LRP1B: variants seen among roughly 807,000 people sequenced by gnomAD.
LRP1B encodes the protein LDL receptor related protein 1B, also known as low-density lipoprotein receptor-related protein 1B.
A neutral mutation model predicts 556.6 loss-of-function variants in LRP1B; 217 were observed. The observed-to-expected ratio is 0.39, with a 90% confidence interval of 0.35 to 0.44. The LOEUF (loss-of-function observed/expected upper bound fraction) is 0.44, where lower values mean the gene tolerates loss of function less well. LRP1B is among the 20% of genes least tolerant of loss of function. The probability of loss-of-function intolerance (pLI) is 1.00; values close to 1 mark genes in which losing one functional copy is unlikely to be tolerated. For missense variants in LRP1B, 5,053 were observed against 5,620.8 expected (o/e 0.90, Z 3.23); for synonymous variants, 2,047 against 1,865.8 (o/e 1.10, Z -2.50).
At chr2:140,635,353 G>A (rs967418236) in intron 41 of LRP1B, among the ~76,000 whole-genome samples, 4 of 151,838 alleles carry the variant, frequency 2.6e-5, no homozygotes, top group African/African-American at 7.3e-5. Flanking sequence ...AATCCTGTAG[G>A]TTTTCCTATA....
intron 2 of LRP1B, among the ~76,000 whole-genome samples, chr2:141,564,951 G>T (rs994261244): frequency 1.3e-5 from 2 of 151,886 alleles, no homozygotes; most frequent in South Asian, 2.1e-4. Context: ...ATGAATAAAA[G>T]AACTTGAAGG....
At chr2:140,237,007 TA>T (rs1262732075) in intron 89 of LRP1B, among the ~76,000 whole-genome samples, 1 of 151,060 alleles carries the variant, frequency 6.6e-6, no homozygotes, top group Non-Finnish European at 1.5e-5. Context: ...CATACATAGT[TA>T]TTTTTTTGTG....
intron 1 of LRP1B, among the ~76,000 whole-genome samples, chr2:141,937,741 G>C (rs1042010906): frequency 2.6e-5 from 4 of 151,652 alleles, no homozygotes; most frequent in African/African-American, 9.7e-5. Context: ...AGATTTTGCT[G>C]TGATAGTCAT....
At chr2:140,821,492 A>G (rs1691327306) in intron 31 of LRP1B, among the ~76,000 whole-genome samples, 1 of 152,218 alleles carries the variant, frequency 6.6e-6, no homozygotes, top group South Asian at 2.1e-4. Flanking sequence ...TCAATAACAG[A>G]AATGCATAAT....
chr2:141,281,298 C>T (rs1193804746), intron 3 of LRP1B, among the ~76,000 whole-genome samples: 1 of 151,840 alleles, frequency 6.6e-6, no homozygotes, highest in Non-Finnish European at 1.5e-5. Context: ...ATGAAAAAGA[C>T]TGTGACAAAA....
rs796082160 is a variant in LRP1B, at chr2:141,756,816, A to G, written c.205+53463T>C. Among the ~76,000 whole-genome samples the G allele has an allele frequency of 4.6e-5, 7 of 152,254 alleles. No individual in the cohort carries two copies. In the East Asian group the frequency reaches 7.7e-4, roughly 17 times the overall value. ...ATATAGCCTAGGTATGTAGTGGGGT[A>G]TACCATCTAGGTTTGTGTAAGCGTA... On this transcript the variant is annotated intron_variant, in intron 2 of 90. Coordinates refer to ENST00000389484, the MANE Select transcript of LRP1B (RefSeq NM_018557.3).
At chr2:141,974,065 T>A (rs1701817545) in intron 1 of LRP1B, among the ~76,000 whole-genome samples, 1 of 151,968 alleles carries the variant, frequency 6.6e-6, no homozygotes, top group Non-Finnish European at 1.5e-5. Flanking sequence ...AGTTATGTTT[T>A]TGAGAGCCCA....
At chr2:141,835,643 T>C (rs1445009906) in intron 1 of LRP1B, among the ~76,000 whole-genome samples, 1 of 152,004 alleles carries the variant, frequency 6.6e-6, no homozygotes, top group African/African-American at 2.4e-5. Context: ...GTTACTTCAG[T>C]TCTATAGCTA....
chr2:140,528,452 G>T (rs72975805), intron 47 of LRP1B, among the ~76,000 whole-genome samples: 1,759 of 151,888 alleles, frequency 0.012, 32 homozygotes, highest in African/African-American at 0.04. Context: ...GAAGAAGTTC[G>T]CAGGACAGAA....
At chr2:141,129,995 T>TGA (rs1701309514) in intron 7 of LRP1B, among the ~76,000 whole-genome samples, 2 of 151,888 alleles carry the variant, frequency 1.3e-5, no homozygotes, top group African/African-American at 4.8e-5. Context: ...AAAGGAATAG[T>TGA]GACAAAGCAA....
chr2:140,671,790 G>C (rs758761054), intron 41 of LRP1B, among the ~76,000 whole-genome samples: 1 of 152,008 alleles, frequency 6.6e-6, no homozygotes, highest in Admixed American at 6.6e-5. Context: ...CTTTTATCAC[G>C]TGAGGTAACA....
chr2:140,482,428 T>C (rs775636318), intron 59 of LRP1B, among the ~76,000 whole-genome samples: 1 of 152,202 alleles, frequency 6.6e-6, no homozygotes, highest in African/African-American at 2.4e-5. Flanking sequence ...CTCTATTCTC[T>C]TTTAAAATGC....
At chr2:140,932,960 C>T (rs1695098828) in intron 20 of LRP1B, among the ~76,000 whole-genome samples, 1 of 149,830 alleles carries the variant, frequency 6.7e-6, no homozygotes, top group African/African-American at 2.5e-5. Context: ...TATACATATA[C>T]ACATATATAT....
At chr2:140,538,127 A>G (rs915657306) in intron 45 of LRP1B, among the ~76,000 whole-genome samples, 5 of 152,146 alleles carry the variant, frequency 3.3e-5, no homozygotes, top group African/African-American at 1.2e-4. Flanking sequence ...ACAGCCACTA[A>G]TACTATTTGA....
At chr2:140,504,137 T>C (rs760446723) in intron 53 of LRP1B, among the ~76,000 whole-genome samples, 2 of 152,120 alleles carry the variant, frequency 1.3e-5, no homozygotes, top group Non-Finnish European at 2.9e-5. Context: ...TCCACTTACT[T>C]GCCTGCAGTT....
intron 3 of LRP1B, among the ~76,000 whole-genome samples, chr2:141,327,911 C>T (rs755083511): frequency 3.3e-5 from 5 of 149,722 alleles, no homozygotes; most frequent in African/African-American, 1.0e-4. Flanking sequence ...ACAGACCGAC[C>T]GACCTAGTAT....
intron 83 of LRP1B, among the ~76,000 whole-genome samples, chr2:140,301,902 T>A (rs538233940): frequency 2.6e-5 from 4 of 151,898 alleles, no homozygotes; most frequent in African/African-American, 9.7e-5. Context: ...TGTGTATATA[T>A]ACACATATAC....
chr2:141,962,246 T>C (rs1701421384), intron 1 of LRP1B, among the ~76,000 whole-genome samples: 3 of 90,082 alleles, frequency 3.3e-5, no homozygotes, highest in South Asian at 9.1e-4. Flanking sequence ...TCACAGATGA[T>C]AGTATTATCT....
chr2:141,618,086 C>T (rs1456222158), intron 2 of LRP1B, among the ~76,000 whole-genome samples: 1 of 152,148 alleles, frequency 6.6e-6, no homozygotes, highest in Non-Finnish European at 1.5e-5. Flanking sequence ...AGTCAATATT[C>T]ATGCTCTTAT....
Sources: allele counts gnomAD v4.1 joint callset (sites outside exome capture counted in the v4.1 genomes callset), GRCh38; gene constraint gnomAD v4.1.1; transcripts MANE v1.5; gene names NCBI Gene and HGNC (gene_info 2026-07-23, HGNC 2026-07-21).